The following PSMA6 variants were observed in gnomAD, a reference collection of about 807,000 sequenced individuals.
PSMA6 encodes the protein proteasome 20S subunit alpha 6.
For synonymous variants in PSMA6, 88 were observed against 97.7 expected (o/e 0.90, Z 0.59); for missense variants, 170 against 294.8 (o/e 0.58, Z 3.10).
chr14:35,317,482 CTGT>C lies in PSMA6; in HGVS notation c.*181_*183del, dbSNP rs779877124. On this transcript the variant is annotated 3_prime_UTR_variant, in exon 7 of 7. Coordinates refer to ENST00000261479, the MANE Select transcript of PSMA6 (RefSeq NM_002791.3). ...AAGGCTTTTGGAAAATAATTGCATC[CTGT>C]TGTTTTCACCTCCTATTTTAAAATT... The C allele has an allele frequency of 5.8e-5, 31 of 534,248 alleles. No individual in the cohort carries two copies. Among genetic ancestry groups the C allele is most frequent in the African/African-American group, 9.5e-5 (5 of 52,888 alleles). 33.1% of individuals were successfully genotyped at this position (534,248 alleles called of 1,614,324 possible).
intron 5 of PSMA6, 119 bp downstream of exon 5, chr14:35,313,178 A>G: frequency 2.1e-6 from 2 of 956,574 alleles, no homozygotes. Context: ...TGTCAACTTA[A>G]TAATGAAATT....
intron 4 of PSMA6, 164 bp from the exon 5 acceptor site, chr14:35,312,717 C>T: frequency 2.4e-5 from 12 of 503,306 alleles, no homozygotes; most frequent in South Asian, 1.7e-4. Flanking sequence ...CCTAATTTAC[C>T]TGTGGTGATA....
rs781583048 is a variant in PSMA6, at chr14:35,310,946, C to T, written c.409+51C>T. On this transcript the variant is annotated intron_variant, in intron 4 of 6. Transcript: ENST00000261479. Reference sequence around the variant, plus strand: ...ATAATTGATGAATTGAAACTTTTTACAGAACATGTATACAGAATTATTTAA... The same window carrying T: ...ATAATTGATGAATTGAAACTTTTTATAGAACATGTATACAGAATTATTTAA... The T allele has an allele frequency of 9.0e-6, 14 of 1,548,290 alleles. No individual in the cohort carries two copies. The South Asian group carries it at 1.2e-4, about 14-fold the overall frequency.
At chr14:35,293,487 C>T (rs2051527205) in intron 1 of PSMA6, among the ~76,000 whole-genome samples, 1 of 152,188 alleles carries the variant, frequency 6.6e-6, no homozygotes, top group African/African-American at 2.4e-5. Flanking sequence ...AGTTTAGTGG[C>T]TCCGTGTCTT....
intron 3 of PSMA6, 43 bp downstream of exon 3, chr14:35,309,038 G>A (rs768970806): frequency 7.5e-7 from 1 of 1,340,728 alleles, no homozygotes; most frequent in Non-Finnish European, 1.0e-6. Flanking sequence ...AGATATACAA[G>A]CCTTTTGTTA....
intron 1 of PSMA6, among the ~76,000 whole-genome samples, chr14:35,298,933 C>T (rs902075637): frequency 5.9e-5 from 9 of 151,926 alleles, no homozygotes; most frequent in Non-Finnish European, 1.5e-5. Flanking sequence ...AGAGTTTCAC[C>T]ATGTTGGCCA....
At chr14:35,295,429 G>A (rs2051565199) in intron 1 of PSMA6, among the ~76,000 whole-genome samples, 1 of 151,128 alleles carries the variant, frequency 6.6e-6, no homozygotes, top group Non-Finnish European at 1.5e-5. Flanking sequence ...CTCCCAGGGA[G>A]TGGAGAGAAA....
At chr14:35,315,552 T>C (rs998527674) in intron 6 of PSMA6, 6 of 151,350 alleles carry the variant, frequency 4.0e-5, no homozygotes, top group Admixed American at 4.0e-4. Context: ...CTGGGTAACA[T>C]AGTGAGACCT....
chr14:35,314,744 C>T lies in PSMA6; in HGVS notation c.683+289C>T, dbSNP rs66510383. ...GGAAAAAAATTAGCATAAGTGTTTT[C>T]TTTTTTTTAGTTTAAGGCCAATACA... On this transcript the variant is annotated intron_variant, in intron 6 of 6. Transcript: ENST00000261479. The T allele has an allele frequency of 8.5e-3, 713 of 83,890 alleles. 2 individuals carry two copies. The highest frequency in any genetic ancestry group is 0.059 in the East Asian group (48 of 816). 5.2% of individuals were successfully genotyped at this position (83,890 alleles called of 1,614,324 possible). A position where few individuals can be genotyped will look rare whatever the true frequency, so the allele number is the denominator to read the frequency against.
intron 1 of PSMA6, among the ~76,000 whole-genome samples, chr14:35,284,569 T>TG (rs2051401477): frequency 6.6e-6 from 1 of 152,216 alleles, no homozygotes; most frequent in Admixed American, 6.5e-5. Context: ...CCCAGCTTCT[T>TG]GCCCAAAGAG....
intron 1 of PSMA6, among the ~76,000 whole-genome samples, chr14:35,283,284 C>T (rs929408597): frequency 2.0e-5 from 3 of 149,220 alleles, no homozygotes; most frequent in South Asian, 2.1e-4. Flanking sequence ...CCTAACACTT[C>T]GGGAGGCTGA....
At chr14:35,289,952 C>G (rs1159933135), upstream of PSMA6, among the ~76,000 whole-genome samples, 1 of 145,138 alleles carries the variant, frequency 6.9e-6, no homozygotes, top group Admixed American at 6.9e-5. Flanking sequence ...AATAGCAGAG[C>G]AGGAACAAAT....
chr14:35,306,438 T>G (rs1176135313), intron 1 of PSMA6, among the ~76,000 whole-genome samples: 2 of 151,990 alleles, frequency 1.3e-5, no homozygotes, highest in Non-Finnish European at 2.9e-5. Context: ...GTGCAGTGGC[T>G]CATGCCTGTA....
At chr14:35,314,947 A>ATATGTGTGTG (rs1555338345) in intron 6 of PSMA6, 1 of 141,122 alleles carries the variant, frequency 7.1e-6, no homozygotes, top group Non-Finnish European at 1.5e-5. Flanking sequence ...CAGTTGCTGG[A>ATATGTGTGTG]TGTGTGTGTG....
chr14:35,293,103 A>T (rs1032486739), intron 1 of PSMA6: 9 of 403,096 alleles, frequency 2.2e-5, no homozygotes, highest in Non-Finnish European at 4.5e-5. Flanking sequence ...ACAAACGGAT[A>T]AAAAAAATTA....
rs183866865 is a variant in PSMA6 at position 35,312,175 on chromosome 14, G to T, written c.410-706G>T. On this transcript the variant is annotated intron_variant, in intron 4 of 6. Coordinates refer to ENST00000261479, the MANE Select transcript of PSMA6 (RefSeq NM_002791.3). Reference sequence around the variant, plus strand: ...GAACCCAGGAGTTCAAGACCACCCTGGGCAACAGCGAGTCCTCGTCTCCTA... The same window carrying T: ...GAACCCAGGAGTTCAAGACCACCCTTGGCAACAGCGAGTCCTCGTCTCCTA... 2.8e-5 allele frequency among the ~76,000 whole-genome samples: 4 copies of T among 142,938 alleles called. No individual in the cohort carries two copies. The Admixed American group carries it at 2.9e-4, about 10-fold the overall frequency. The allele number at this position is 142,938 out of a possible 152,430, so 93.8% of individuals were successfully genotyped here.
intron 1 of PSMA6, among the ~76,000 whole-genome samples, chr14:35,282,405 T>G (rs199677371): frequency 6.6e-6 from 1 of 150,812 alleles, no homozygotes; most frequent in East Asian, 1.9e-4. Flanking sequence ...CAGATAATTT[T>G]CTAACTTATT....
At chr14:35,315,260 T>TA (rs2052023821) in intron 6 of PSMA6, 1 of 152,092 alleles carries the variant, frequency 6.6e-6, no homozygotes, top group Admixed American at 6.6e-5. Context: ...TGGTGTGGGG[T>TA]ACGGGAGTGG....
At chr14:35,283,364 A>C (rs933169279) in intron 1 of PSMA6, among the ~76,000 whole-genome samples, 1 of 121,690 alleles carries the variant, frequency 8.2e-6, no homozygotes, top group African/African-American at 2.9e-5. Flanking sequence ...CTATCTCTAC[A>C]AAAAAAAAAA....
Sources: allele counts gnomAD v4.1 joint callset (sites outside exome capture counted in the v4.1 genomes callset), GRCh38; gene constraint gnomAD v4.1.1; transcripts MANE v1.5; gene names NCBI Gene and HGNC (gene_info 2026-07-23, HGNC 2026-07-21).